BAG6: variants seen among roughly 807,000 people sequenced by gnomAD.
The protein encoded by BAG6 is large proline-rich protein BAG6.
Under a neutral mutation model 121.0 loss-of-function variants are expected in BAG6, and 22 were observed. The ratio of observed to expected loss-of-function variants is 0.18; its 90% confidence interval spans 0.13 to 0.26. The LOEUF is 0.26. Ranked by LOEUF, BAG6 falls within the 10% of genes least tolerant of loss-of-function variation. BAG6 has a pLI of 1.00. For missense variants in BAG6, 1,233 were observed against 1,537.7 expected, an observed-to-expected ratio of 0.80 and a Z score of 3.31; for synonymous variants, 583 against 584.6, an observed-to-expected ratio of 1.00 and a Z score of 0.04.
chr6:31,648,710 G>A lies in BAG6; in HGVS notation c.519C>T (p.Ile173=). ...GGGATAGTAAGGTCTGTATATCCCT[G>A]ATCATGTGCTGAGCCATCACCAGCC... ...RVRLVMAQHM[I]RDIQTLLSRM... The change falls in exon 6 of 26, where the codon ATC becomes ATT. Residue 173 remains isoleucine, a synonymous_variant. Transcript: ENST00000676615. 6.2e-7 allele frequency: 1 copy of A among 1,614,066 alleles called. No individual in the cohort carries two copies. The highest frequency in any genetic ancestry group is 1.1e-5 in the South Asian group (1 of 91,074).
In BAG6 at chr6:31,644,455, TCAAC is replaced by T; in HGVS notation, c.1448-45_1448-42del. 6.4e-7 allele frequency: 1 copy of T among 1,559,282 alleles called. No individual in the cohort carries two copies. The highest frequency in any genetic ancestry group is 8.7e-7 in the Non-Finnish European group (1 of 1,150,710). On this transcript the variant is annotated intron_variant, in intron 11 of 25. Transcript: ENST00000676615. The surrounding 1 kb of genome is among the most constrained non-coding windows in gnomAD (Gnocchi z 4.9). ...GATGTAACCTTGAACCTGGACCCCT[TCAAC>T]CCACCCACTCAGCCCTTCCCTTTCT...
At position 31,645,078 on chromosome 6, in the gene BAG6, T is replaced by G. The variant is rs773635056; in HGVS notation, c.1237A>C (p.Asn413His). Residue 413 changes from asparagine to histidine, a missense_variant, in exon 10 of 26, where the codon AAT becomes CAT. By Grantham distance (68) the Asn-to-His change is moderately conservative. Coordinates refer to ENST00000676615, the MANE Select transcript of BAG6 (RefSeq NM_001387994.1). ...GCCCCCTCAGCTGAGGACTCGACAT[T>G]GGTAGAAGACGGAGCCACGGATGAG... ...QASSVAPSST[N>H]VESSAEGAPP... 2.0e-5 allele frequency: 33 copies of G among 1,612,586 alleles called. No individual in the cohort carries two copies. The highest frequency in any genetic ancestry group is 2.6e-5 in the Non-Finnish European group (31 of 1,179,930).
chr6:31,639,172 G>A lies in BAG6; in HGVS notation c.3448C>T (p.Arg1150Cys), dbSNP rs367689596. Residue 1150 changes from arginine (R) to cysteine (C), a missense_variant, in exon 26 of 26, where the codon CGC becomes TGC. By Grantham distance (180) the Arg-to-Cys change is radical. This residue lies in a region of BAG6 where 102 missense variants were observed against 103.2 expected (regional missense o/e 0.99). Transcript: ENST00000676615. ...LQEDPNYSPQRFPNAQRAFAD... is the reference protein window; with the variant it reads ...LQEDPNYSPQCFPNAQRAFAD... Reference sequence around the variant, plus strand: ...AAGGCCCGCTGGGCATTGGGGAAGCGCTGGGGACTGTAGTTGGGGTCTTCC... The same window carrying A: ...AAGGCCCGCTGGGCATTGGGGAAGCACTGGGGACTGTAGTTGGGGTCTTCC... 2.3e-5 allele frequency: 37 copies of A among 1,613,920 alleles called. No individual in the cohort carries two copies. The highest frequency in any genetic ancestry group is 2.7e-5 in the Non-Finnish European group (32 of 1,179,976).
intron 7 of BAG6, 59 bp downstream of exon 7, chr6:31,647,532 C>A (rs928504221): frequency 1.9e-6 from 3 of 1,595,694 alleles, no homozygotes; most frequent in African/African-American, 2.7e-5. Flanking sequence ...GGTTCATTTC[C>A]TTCTCCCCAT....
chr6:31,647,736 A>T lies in BAG6; in HGVS notation c.643T>A (p.Ser215Thr). ...GGTGCTTCACTTTCAACTGGTTCTG[A>T]TGTTTGAGAGCTCAAGGCTACTGGC... The part of the protein sequence containing the change: ...PEPVALSSQT[S>T]EPVESEAPPR... Residue 215 changes from serine to threonine, a missense_variant, in exon 7 of 26, where the codon TCA becomes ACA. By Grantham distance (58) the Ser-to-Thr change is moderately conservative. Coordinates refer to ENST00000676615, the MANE Select transcript of BAG6 (RefSeq NM_001387994.1). 1.2e-6 allele frequency: 2 copies of T among 1,604,618 alleles called. No individual in the cohort carries two copies. Among genetic ancestry groups the T allele is most frequent in the Non-Finnish European group, 1.7e-6 (2 of 1,176,908 alleles).
chr6:31,640,133 G>C lies in BAG6; in HGVS notation c.3246+66C>G, dbSNP rs1400185548. On this transcript the variant is annotated intron_variant, in intron 24 of 25. Coordinates refer to ENST00000676615, the MANE Select transcript of BAG6 (RefSeq NM_001387994.1). This position sits in a 1 kb window ranked among gnomAD's most constrained non-coding sequence, Gnocchi z 4.2. Reference sequence around the variant, plus strand: ...CAAGAGCTCCCACCATCTCTACATAGTTTGATTCCAGGCATGACGGGGAAA... The same window carrying C: ...CAAGAGCTCCCACCATCTCTACATACTTTGATTCCAGGCATGACGGGGAAA... The C allele has an allele frequency of 8.6e-6, 13 of 1,510,108 alleles. No homozygotes were observed. The highest frequency in any genetic ancestry group is 1.2e-5 in the Non-Finnish European group (13 of 1,088,840). 93.5% of individuals were successfully genotyped at this position (1,510,108 alleles called of 1,614,324 possible).
chr6:31,648,227 G>T (rs965462563), intron 6 of BAG6, among the ~76,000 whole-genome samples: 1 of 152,092 alleles, frequency 6.6e-6, no homozygotes, highest in African/African-American at 2.4e-5. Flanking sequence ...TGTTGGCCAG[G>T]CTGGATTGGA....
At position 31,640,031 on chromosome 6, in the gene BAG6, G is replaced by A. The variant is rs1014507645; in HGVS notation, c.3246+168C>T. ...ACAGACTAAGGTCAAGTCCTGTATG[G>A]TTATGCAACAACCAAGAGCAAGTCT... is the stretch of plus-strand genomic sequence containing the variant. On this transcript the variant is annotated intron_variant, in intron 24 of 25. Coordinates refer to ENST00000676615, the MANE Select transcript of BAG6 (RefSeq NM_001387994.1). This position sits in a 1 kb window ranked among gnomAD's most constrained non-coding sequence, Gnocchi z 4.2. Among the ~76,000 whole-genome samples, 1 of 152,154 alleles carries A rather than the reference G, an allele frequency of 6.6e-6. No individual in the cohort carries two copies. The highest frequency in any genetic ancestry group is 1.5e-5 in the Non-Finnish European group (1 of 68,028).
intron 15 of BAG6, 77 bp downstream of exon 15, chr6:31,642,752 A>G (rs1077393): frequency 0.49 from 745,915 of 1,534,950 alleles, 184,268 homozygotes; most frequent in South Asian, 0.59. Flanking sequence ...CAGTGGTTAT[A>G]TAATGGCAAG....
chr6:31,646,347 G>A (rs1281085513), intron 8 of BAG6, 47 bp downstream of exon 8: 1 of 1,591,588 alleles, frequency 6.3e-7, no homozygotes, highest in Non-Finnish European at 8.6e-7. Flanking sequence ...TTCTGTTTTG[G>A]GAGTACTGGG....
At chr6:31,646,698 G>A (rs1305269236) in intron 7 of BAG6, among the ~76,000 whole-genome samples, 175 bp from the exon 8 acceptor site, 2 of 149,680 alleles carry the variant, frequency 1.3e-5, no homozygotes, top group Non-Finnish European at 3.0e-5. Context: ...AGGTTCAAAC[G>A]ATTCTCCTGC....
chr6:31,640,306 C>A lies in BAG6; in HGVS notation c.3139G>T (p.Glu1047Ter). 1 of 1,614,174 alleles carries A rather than the reference C, an allele frequency of 6.2e-7. No individual in the cohort carries two copies. Among genetic ancestry groups the A allele is most frequent in the South Asian group, 1.1e-5 (1 of 91,084 alleles). The change falls in exon 24 of 26, where the codon GAA becomes TAA. Residue 1047 changes from glutamate (E) to a stop codon, truncating the protein, a stop_gained and splice_region_variant. Coordinates refer to ENST00000676615, the MANE Select transcript of BAG6 (RefSeq NM_001387994.1). LOFTEE classifies it high-confidence loss of function. This position sits in a 1 kb window ranked among gnomAD's most constrained non-coding sequence, Gnocchi z 4.2. ...TCCTGCTGGATAATAGGGACCCATT[C>A]CTGGGGAGGAAAAGAGAAAATAGTA... ...TEPWAAAVPP[E>*]WVPIIQQDIQ...
rs1784048532 is a variant in BAG6 at position 31,642,613 on chromosome 6, G to C, written c.2044-210C>G. The stretch of plus-strand genomic sequence containing the variant: ...ACCTCTTCCTCTGAACAGGCTGTCA[G>C]AAAGCAGTGACACTAATTACTATAC... On this transcript the variant is annotated intron_variant, in intron 15 of 25. Transcript: ENST00000676615. 2.4e-5 allele frequency: 16 copies of C among 672,674 alleles called. No homozygotes were observed. In the East Asian group the frequency reaches 4.3e-4, roughly 18 times the overall value. 41.7% of individuals were successfully genotyped at this position (672,674 alleles called of 1,614,324 possible). A position where few individuals can be genotyped will look rare whatever the true frequency, so the allele number is the denominator to read the frequency against.
chr6:31,644,424 G>C lies in BAG6; in HGVS notation c.1448-10C>G, dbSNP rs747135050. Reference sequence around the variant, plus strand: ...TGGATGAGGGTGGAGCCTGGGGGGCGGGTCTGATGTAACCTTGAACCTGGA... The same window carrying C: ...TGGATGAGGGTGGAGCCTGGGGGGCCGGTCTGATGTAACCTTGAACCTGGA... On this transcript the variant is annotated splice_polypyrimidine_tract_variant and intron_variant, in intron 11 of 25. Transcript: ENST00000676615. The surrounding 1 kb of genome is among the most constrained non-coding windows in gnomAD (Gnocchi z 4.9). 16 of 1,550,856 alleles carry C rather than the reference G, an allele frequency of 1.0e-5. No homozygotes were observed. Among genetic ancestry groups the C allele is most frequent in the South Asian group, 4.8e-5 (4 of 83,936 alleles).
At chr6:31,648,815 A>G (rs1793143551) in intron 5 of BAG6, 64 bp from the exon 6 acceptor site, 2 of 1,602,288 alleles carry the variant, frequency 1.2e-6, no homozygotes, top group South Asian at 2.2e-5. Context: ...ACCACCTACT[A>G]AATCAGGTCC....
chr6:31,648,034 G>C (rs1469759918), intron 6 of BAG6, among the ~76,000 whole-genome samples: 1 of 88,680 alleles, frequency 1.1e-5, no homozygotes, highest in East Asian at 2.9e-4. Context: ...TTTTTTTTTT[G>C]AGACAGAGTC....
rs1787696160 is a variant in BAG6, at chr6:31,645,180, C to G, written c.1135G>C (p.Val379Leu). The change falls in exon 10 of 26, where the codon GTG becomes CTG. Residue 379 changes from valine (V) to leucine (L), a missense_variant. By Grantham distance (32) the Val-to-Leu change is conservative. This residue lies in a region of BAG6 where 777 missense variants were observed against 861.4 expected (regional missense o/e 0.90). Coordinates refer to ENST00000676615, the MANE Select transcript of BAG6 (RefSeq NM_001387994.1). ...CGAGTCCCATTTCCTGTCATGGTCA[C>G]AGTGGTTCCCACATTGATCTGAAAA... ...IPIQINVGTT[V>L]TMTGNGTRPP... The G allele has an allele frequency of 6.2e-7, 1 of 1,611,454 alleles. No homozygotes were observed. Among genetic ancestry groups the G allele is most frequent in the Non-Finnish European group, 8.5e-7 (1 of 1,179,200 alleles).
intron 4 of BAG6, 116 bp downstream of exon 4, chr6:31,649,083 A>T (rs1490293190): frequency 1.1e-5 from 17 of 1,501,180 alleles, no homozygotes; most frequent in Admixed American, 1.9e-5. Context: ...CCAATAGCAC[A>T]CCACAGGGCC....
rs1782691151 is a variant in BAG6 at position 31,641,484 on chromosome 6, G to A, written c.2559+55C>T. Reference sequence around the variant, plus strand: ...GAATCATAAGACTGGGAGTGGAGGAGGCAGCTGCCTTGACCAGACCCAGGA... The same window carrying A: ...GAATCATAAGACTGGGAGTGGAGGAAGCAGCTGCCTTGACCAGACCCAGGA... On this transcript the variant is annotated intron_variant, in intron 18 of 25. Coordinates refer to ENST00000676615, the MANE Select transcript of BAG6 (RefSeq NM_001387994.1). This position sits in a 1 kb window ranked among gnomAD's most constrained non-coding sequence, Gnocchi z 5.7. 1.9e-6 allele frequency: 3 copies of A among 1,613,968 alleles called. No homozygotes were observed. The highest frequency in any genetic ancestry group is 2.5e-6 in the Non-Finnish European group (3 of 1,179,830).
Sources: gnomAD v4.1 joint callset for allele counts (sites outside exome capture counted in the v4.1 genomes callset) on GRCh38, gnomAD v4.1.1 for gene constraint, gnomAD v4.1.1 regional missense constraint, Gnocchi (gnomAD v3.1) non-coding constraint, MANE v1.5 for transcripts, NCBI Gene and HGNC (gene_info 2026-07-23, HGNC 2026-07-21) for gene names.